The following ELMO1 variants were observed in gnomAD, a reference collection of about 807,000 sequenced individuals.
The protein encoded by ELMO1 is engulfment and cell motility protein 1.
A neutral mutation model predicts 98.9 loss-of-function variants in ELMO1; 26 were observed. The ratio of observed to expected loss-of-function variants is 0.26; its 90% CI spans 0.19 to 0.36. The LOEUF (loss-of-function observed/expected upper bound fraction) is 0.36, where lower values mean the gene tolerates loss of function less well. ELMO1 is among the 10% of genes least tolerant of loss of function. ELMO1 has a pLI of 1.00. For missense variants in ELMO1, 627 were observed against 935.2 expected, an observed-to-expected ratio of 0.67 and a Z score of 4.30; for synonymous variants, 346 against 346.0, an observed-to-expected ratio of 1.00 and a Z score of 0.00.
In ELMO1 at chr7:37,125,053, C is replaced by T. The variant is rs966995690; in HGVS notation, c.1191+8077G>A. Among the ~76,000 whole-genome samples, 3 of 151,966 alleles carry T rather than the reference C, an allele frequency of 2.0e-5. No homozygotes were observed. In the South Asian group the frequency reaches 6.2e-4, roughly 32 times the overall value. On this transcript the variant is annotated intron_variant, in intron 14 of 21. Transcript: ENST00000310758. ...AATGGGGAAAGGATTCCCTATTTAACAAATGGTGCTGGGAAAACTGGCTAG... is the reference window on the plus strand; with the variant it reads ...AATGGGGAAAGGATTCCCTATTTAATAAATGGTGCTGGGAAAACTGGCTAG...
At chr7:37,190,994 C>T (rs1439839006) in intron 13 of ELMO1, among the ~76,000 whole-genome samples, 1 of 151,364 alleles carries the variant, frequency 6.6e-6, no homozygotes, top group Admixed American at 6.6e-5. Context: ...TAGAGACCAT[C>T]CCGGCTAACA....
intron 4 of ELMO1, among the ~76,000 whole-genome samples, chr7:37,291,933 C>G (rs1562587106): frequency 9.9e-6 from 1 of 100,792 alleles, no homozygotes; most frequent in Non-Finnish European, 2.0e-5. Flanking sequence ...TCCCCCTCCC[C>G]CTCCCTCTCC....
intron 13 of ELMO1, among the ~76,000 whole-genome samples, chr7:37,168,189 T>G (rs1789863926): frequency 6.6e-6 from 1 of 152,240 alleles, no homozygotes; most frequent in Non-Finnish European, 1.5e-5. Flanking sequence ...TTCAGCTCCA[T>G]CAGCTCCTTT....
chr7:37,426,213 G>GCACAATC (rs1414634884), intron 1 of ELMO1, among the ~76,000 whole-genome samples: 1 of 141,290 alleles, frequency 7.1e-6, no homozygotes, highest in African/African-American at 2.6e-5. Flanking sequence ...GAGTACAGTG[G>GCACAATC]CACAATCTTG....
intron 4 of ELMO1, among the ~76,000 whole-genome samples, chr7:37,287,487 T>C (rs575805688): frequency 1.3e-4 from 20 of 152,328 alleles, no homozygotes; most frequent in Non-Finnish European, 2.4e-4. Context: ...AATTTCTAAT[T>C]AGGCATAAGA....
rs182043013 is a variant in ELMO1, at chr7:36,998,827, G to A, written c.1437+14472C>T. ...TATTCTCGGTGTGGGCAGAAGGCAG[G>A]CTGCAGTGGATTAATACATGAAAAG... On this transcript the variant is annotated intron_variant, in intron 16 of 21. Transcript: ENST00000310758. Among the ~76,000 whole-genome samples, 4 of 152,018 alleles carry A rather than the reference G, an allele frequency of 2.6e-5. No individual in the cohort carries two copies. The East Asian group carries it at 7.7e-4, about 29-fold the overall frequency.
rs1461150943 is a variant in ELMO1, at chr7:37,166,914, A to C, written c.1087-33680T>G. ...TCCTTGTTAACTTTCTATCTCGTCGATCTGTCTAATGTTGACAGTGGGGTG... is the reference window on the plus strand; with the variant it reads ...TCCTTGTTAACTTTCTATCTCGTCGCTCTGTCTAATGTTGACAGTGGGGTG... On this transcript the variant is annotated intron_variant, in intron 13 of 21. Transcript: ENST00000310758. Among the ~76,000 whole-genome samples, 128 of 152,122 alleles carry C rather than the reference A, an allele frequency of 8.4e-4. 1 individual carries two copies. Among genetic ancestry groups the C allele is most frequent in the African/African-American group, 2.9e-3 (120 of 41,472 alleles).
intron 4 of ELMO1, among the ~76,000 whole-genome samples, chr7:37,285,224 C>T (rs1797333092): frequency 6.6e-6 from 1 of 152,178 alleles, no homozygotes; most frequent in Non-Finnish European, 1.5e-5. Flanking sequence ...CCTCAACTGC[C>T]CACTCTTCCT....
chr7:36,928,797 G>C (rs994426144), intron 16 of ELMO1, among the ~76,000 whole-genome samples: 16 of 152,194 alleles, frequency 1.1e-4, no homozygotes, highest in African/African-American at 3.1e-4. Context: ...GGAACTAGGG[G>C]TCTTCTTCCA....
chr7:37,116,223 G>C (rs1785580307), intron 14 of ELMO1, among the ~76,000 whole-genome samples: 1 of 152,170 alleles, frequency 6.6e-6, no homozygotes, highest in African/African-American at 2.4e-5. Flanking sequence ...AGAAGAAATA[G>C]CGAAACCCCA....
rs1045089598 is a variant in ELMO1, at chr7:36,945,160, T to C, written c.1438-50143A>G. On this transcript the variant is annotated intron_variant, in intron 16 of 21. Transcript: ENST00000310758. ...CTCAACATTGTTTTCTTCCTAATTT[T>C]CAATTATGATTGTTTAATTGCACAA... is the stretch of plus-strand genomic sequence containing the variant. Among the ~76,000 whole-genome samples, 13 of 152,362 alleles carry C rather than the reference T, an allele frequency of 8.5e-5. No individual in the cohort carries two copies. The East Asian group carries it at 2.5e-3, about 29-fold the overall frequency.
chr7:37,114,900 A>C (rs1459927752), intron 14 of ELMO1, among the ~76,000 whole-genome samples: 1 of 152,158 alleles, frequency 6.6e-6, no homozygotes, highest in Non-Finnish European at 1.5e-5. Context: ...ATGATAAATT[A>C]TTAGCATCAA....
At position 36,853,470 on chromosome 7, in the gene ELMO1, CACTT is replaced by C. The variant is rs1383986075; in HGVS notation, c.*2077_*2080del. Among the ~76,000 whole-genome samples, 1 of 152,182 alleles carries C rather than the reference CACTT, an allele frequency of 6.6e-6. No individual in the cohort carries two copies. The highest frequency in any genetic ancestry group is 1.5e-5 in the Non-Finnish European group (1 of 68,034). ...ACTTTGTTTGCTGCCTTTGACCTAACACTTACTGTTTTATCATGATGATGGGTAG... is the reference window on the plus strand; with the variant it reads ...ACTTTGTTTGCTGCCTTTGACCTAACACTGTTTTATCATGATGATGGGTAG... On this transcript the variant is annotated 3_prime_UTR_variant, in exon 22 of 22. Coordinates refer to ENST00000310758, the MANE Select transcript of ELMO1 (RefSeq NM_014800.11).
At chr7:37,192,996 T>G (rs10252862) in intron 13 of ELMO1, among the ~76,000 whole-genome samples, 3,088 of 36,328 alleles carry the variant, frequency 0.085, 129 homozygotes, top group East Asian at 0.28. Flanking sequence ...TATATATATA[T>G]ATATATATAT....
intron 16 of ELMO1, among the ~76,000 whole-genome samples, chr7:36,932,315 C>A (rs989836655): frequency 6.6e-6 from 1 of 151,928 alleles, no homozygotes. Context: ...CAGGACTGGG[C>A]GATACGTGAT....
At chr7:37,063,206 T>G (rs1322490875) in intron 15 of ELMO1, among the ~76,000 whole-genome samples, 2 of 152,170 alleles carry the variant, frequency 1.3e-5, no homozygotes, top group Non-Finnish European at 2.9e-5. Context: ...TGATTGTCAT[T>G]CAAATGGATG....
At chr7:37,359,279 A>G (rs1801609435) in intron 1 of ELMO1, among the ~76,000 whole-genome samples, 1 of 152,226 alleles carries the variant, frequency 6.6e-6, no homozygotes, top group Admixed American at 6.5e-5. Flanking sequence ...AAGGCAGCAG[A>G]ATACAGCAGT....
At chr7:37,006,178 C>T (rs1484995600) in intron 16 of ELMO1, among the ~76,000 whole-genome samples, 4 of 152,200 alleles carry the variant, frequency 2.6e-5, no homozygotes, top group Non-Finnish European at 5.9e-5. Context: ...TCAACGCACC[C>T]CCATACAGAG....
intron 7 of ELMO1, among the ~76,000 whole-genome samples, chr7:37,241,701 C>T (rs1295128656): frequency 2.0e-5 from 3 of 152,052 alleles, no homozygotes; most frequent in African/African-American, 7.2e-5. Context: ...TTACAATGTG[C>T]ACCATTAGTA....
Sources: allele counts gnomAD v4.1 joint callset (sites outside exome capture counted in the v4.1 genomes callset), GRCh38; gene constraint gnomAD v4.1.1; transcripts MANE v1.5; gene names NCBI Gene and HGNC (gene_info 2026-07-23, HGNC 2026-07-21).